CSPG4: variants seen among roughly 807,000 people sequenced by gnomAD.
The protein encoded by CSPG4 is chondroitin sulfate proteoglycan 4.
Under a neutral mutation model 139.3 loss-of-function variants are expected in CSPG4, and 74 were observed. That is an observed-to-expected ratio of 0.53 (90% CI 0.44 to 0.64). CSPG4 has a LOEUF of 0.64. Among genes scored for constraint, CSPG4 ranks in the 30% least tolerant of loss-of-function variants. The pLI is 0.00. For synonymous variants in CSPG4, 1,234 were observed against 1,394.2 expected, an observed-to-expected ratio of 0.89 and a Z score of 2.56; for missense variants, 2,565 against 3,148.3, an observed-to-expected ratio of 0.81 and a Z score of 4.43.
chr15:75,678,858 G>A lies in CSPG4; in HGVS notation c.4951-972C>T, dbSNP rs573183394. 7.7e-5 allele frequency: 35 copies of A among 452,926 alleles called. 1 individual carries two copies. The highest frequency in any genetic ancestry group is 4.1e-4 in the South Asian group (26 of 64,104). 28.1% of individuals were successfully genotyped at this position (452,926 alleles called of 1,614,324 possible). Reference sequence around the variant, plus strand: ...CTCCGTGTTGTTGGATCCAGCGGTCGGCTCTCAGCCTCCTCTTAACTGCTC... The same window carrying A: ...CTCCGTGTTGTTGGATCCAGCGGTCAGCTCTCAGCCTCCTCTTAACTGCTC... On this transcript the variant is annotated intron_variant, in intron 8 of 9. Transcript: ENST00000308508.
In CSPG4 at chr15:75,687,938, C is replaced by T. The variant is rs1894087859; in HGVS notation, c.3127G>A (p.Ala1043Thr). ...GRRLLTTDDV[A>T]FSDADSGFAD... ...AAGCCCGAGTCAGCATCGCTGAAGG[C>T]CACGTCGTCTGTAGTCAGCAGCCGC... The change falls in exon 3 of 10, where the codon GCC (alanine) becomes ACC (threonine). Residue 1043 changes from alanine to threonine, a missense_variant. Physicochemically the swap from Ala to Thr is moderately conservative, Grantham distance 58 (BLOSUM62 0). Coordinates refer to ENST00000308508, the MANE Select transcript of CSPG4 (RefSeq NM_001897.5). The surrounding 1 kb of genome is among the most constrained non-coding windows in gnomAD (Gnocchi z 5.4). 1 of 1,612,950 alleles carries T rather than the reference C, an allele frequency of 6.2e-7. No homozygotes were observed.
Position 75,692,230 on chromosome 15 carries a change from C to T in CSPG4, c.252+840G>A, listed in dbSNP as rs191643501. On this transcript the variant is annotated intron_variant, in intron 2 of 9. Coordinates refer to ENST00000308508, the MANE Select transcript of CSPG4 (RefSeq NM_001897.5). ...AACTCCTGACCTCAGGTGATCCACC[C>T]GCCTCAGCCTCCCAAAGTGCTGGGA... Among the ~76,000 whole-genome samples the T allele has an allele frequency of 2.6e-3, 396 of 152,198 alleles. 3 individuals are homozygous for T. Among genetic ancestry groups the T allele is most frequent in the Non-Finnish European group, 1.4e-3 (95 of 67,990 alleles).
At chr15:75,699,698 C>G (rs1279928571) in intron 1 of CSPG4, among the ~76,000 whole-genome samples, 6 of 152,020 alleles carry the variant, frequency 3.9e-5, no homozygotes, top group Admixed American at 1.3e-4. Context: ...AGAGTCCACC[C>G]AGGCGGGAGG....
chr15:75,700,471 G>A (rs1390878818), intron 1 of CSPG4, among the ~76,000 whole-genome samples: 1 of 152,176 alleles, frequency 6.6e-6, no homozygotes, highest in African/African-American at 2.4e-5. Context: ...GGGGCTGGCC[G>A]AATCGGGAGG....
chr15:75,695,668 G>A (rs1328394751), intron 1 of CSPG4, among the ~76,000 whole-genome samples: 1 of 152,160 alleles, frequency 6.6e-6, no homozygotes, highest in Non-Finnish European at 1.5e-5. Context: ...AGGTGGTGGG[G>A]GGGCAGTTGA....
Position 75,687,981 on chromosome 15 carries a change from A to G in CSPG4, c.3084T>C (p.His1028=). 1.9e-6 allele frequency: 3 copies of G among 1,612,592 alleles called. No individual in the cohort carries two copies. Among genetic ancestry groups the G allele is most frequent in the Non-Finnish European group, 1.7e-6 (2 of 1,179,842 alleles). Residue 1028 remains histidine (H), a synonymous_variant, in exon 3 of 10, where the codon CAT becomes CAC. Transcript: ENST00000308508. The surrounding 1 kb of genome is among the most constrained non-coding windows in gnomAD (Gnocchi z 5.4). ...GCAGCCGCCGCCCACCCCGGGCCAC[A>G]TGGAAGATCCGGCTGATGGTCTGCA... ...APVQTISRIF[H]VARGGRRLLT...
At chr15:75,707,187 G>A (rs1231733751) in intron 1 of CSPG4, among the ~76,000 whole-genome samples, 1 of 152,066 alleles carries the variant, frequency 6.6e-6, no homozygotes, top group East Asian at 1.9e-4. Context: ...GAACTCCTGA[G>A]CTCAGGTGAC....
chr15:75,712,846 C>G lies in CSPG4; in HGVS notation c.-91G>C. The G allele has an allele frequency of 8.8e-7, 1 of 1,135,644 alleles. No homozygotes were observed. The highest frequency in any genetic ancestry group is 1.2e-6 in the Non-Finnish European group (1 of 836,248). The allele number at this position is 1,135,644 out of a possible 1,614,324, so 70.3% of individuals were successfully genotyped here. ...GAGCGAGCGCGGCTCTGCTCCTGGG[C>G]GCGGGCCGGCTCCGGGTGTCCGCGC... On this transcript the variant is annotated 5_prime_UTR_variant, in exon 1 of 10. Coordinates refer to ENST00000308508, the MANE Select transcript of CSPG4 (RefSeq NM_001897.5).
chr15:75,685,530 G>T lies in CSPG4; in HGVS notation c.3961C>A (p.Leu1321Met), dbSNP rs1241662290. The T allele has an allele frequency of 6.2e-7, 1 of 1,607,282 alleles. No homozygotes were observed. The highest frequency in any genetic ancestry group is 8.5e-7 in the Non-Finnish European group (1 of 1,177,970). Residue 1321 changes from leucine to methionine, a missense_variant, in exon 4 of 10, where the codon CTG (leucine) becomes ATG (methionine). Leu to Met is a conservative substitution (Grantham distance 15, BLOSUM62 2). Coordinates refer to ENST00000308508, the MANE Select transcript of CSPG4 (RefSeq NM_001897.5). ...CTCCAGGCCTCAGGGCGGGAGTGCA[G>T]GTACAGGACCCTGCCTGTGTCCACT... ...EAVDTGRVLYLHSRPEAWSDA... is the reference protein window; with the variant it reads ...EAVDTGRVLYMHSRPEAWSDA...
rs772171039 is a variant in CSPG4, at chr15:75,688,450, G to A, written c.2615C>T (p.Thr872Ile). Residue 872 changes from threonine (T) to isoleucine (I), a missense_variant, in exon 3 of 10, where the codon ACC (threonine) becomes ATC (isoleucine). Physicochemically the swap from Thr to Ile is moderately conservative, Grantham distance 89 (BLOSUM62 -1). Coordinates refer to ENST00000308508, the MANE Select transcript of CSPG4 (RefSeq NM_001897.5). ...TARASEAVEDTFRFRVTAPPY... is the reference protein window; with the variant it reads ...TARASEAVEDIFRFRVTAPPY... ...TGGAGCTGTGACACGGAAACGGAAGGTGTCCTCGACTGCCTCTGAGGCACG... is the reference window on the plus strand; with the variant it reads ...TGGAGCTGTGACACGGAAACGGAAGATGTCCTCGACTGCCTCTGAGGCACG... 4 of 1,613,124 alleles carry A rather than the reference G, an allele frequency of 2.5e-6. No homozygotes were observed. The highest frequency in any genetic ancestry group is 3.3e-5 in the Admixed American group (2 of 60,006).
At chr15:75,711,941 TGAG>T (rs1340869097) in intron 1 of CSPG4, among the ~76,000 whole-genome samples, 1 of 151,418 alleles carries the variant, frequency 6.6e-6, no homozygotes, top group East Asian at 1.9e-4. Context: ...AGTGCTGGGA[TGAG>T]GAGGTGTGGC....
rs1006723457 is a variant in CSPG4, at chr15:75,698,899, G to A, written c.89-5666C>T. On this transcript the variant is annotated intron_variant, in intron 1 of 9. Transcript: ENST00000308508. The surrounding 1 kb of genome is among the most constrained non-coding windows in gnomAD (Gnocchi z 4.3). ...CAGACTAAGGGGAGCGACCTGCCCA[G>A]TGATGACACTGGGGTCACCAGGGCC... Among the ~76,000 whole-genome samples, 4 of 152,178 alleles carry A rather than the reference G, an allele frequency of 2.6e-5. No individual in the cohort carries two copies. Among genetic ancestry groups the A allele is most frequent in the African/African-American group, 9.7e-5 (4 of 41,444 alleles).
At chr15:75,703,582 C>A (rs191363953) in intron 1 of CSPG4, among the ~76,000 whole-genome samples, 1 of 152,160 alleles carries the variant, frequency 6.6e-6, no homozygotes, top group Non-Finnish European at 1.5e-5. Context: ...CAACGCAATG[C>A]GGTGGGGCAG....
chr15:75,677,848 G>C lies in CSPG4; in HGVS notation c.4989C>G (p.Pro1663=). The part of the protein sequence containing the change: ...AGNILYEHEM[P]PEPFWEAHDT... ...CATGGGCCTCCCAAAAGGGCTCGGG[G>C]GGCATCTCATGCTCATACAGAATAT... The change falls in exon 9 of 10, where the codon CCC becomes CCG. Residue 1663 remains proline (P), a synonymous_variant. Transcript: ENST00000308508. 6.2e-7 allele frequency: 1 copy of C among 1,612,488 alleles called. No individual in the cohort carries two copies. Among genetic ancestry groups the C allele is most frequent in the Non-Finnish European group, 8.5e-7 (1 of 1,179,292 alleles).
At chr15:75,704,522 T>C (rs1894344587) in intron 1 of CSPG4, among the ~76,000 whole-genome samples, 2 of 152,096 alleles carry the variant, frequency 1.3e-5, no homozygotes, top group Non-Finnish European at 2.9e-5. Context: ...TTAAAACATG[T>C]GGGTGGGGGG....
chr15:75,706,713 A>C (rs1894378253), intron 1 of CSPG4, among the ~76,000 whole-genome samples: 1 of 152,122 alleles, frequency 6.6e-6, no homozygotes, highest in Non-Finnish European at 1.5e-5. Flanking sequence ...GCTTGAGTAG[A>C]AGTGGAAAGG....
In CSPG4 at chr15:75,698,989, C is replaced by A. The variant is rs1596012223; in HGVS notation, c.89-5756G>T. On this transcript the variant is annotated intron_variant, in intron 1 of 9. Coordinates refer to ENST00000308508, the MANE Select transcript of CSPG4 (RefSeq NM_001897.5). This position sits in a 1 kb window ranked among gnomAD's most constrained non-coding sequence, Gnocchi z 4.3. ...TGGGAGACGCTCACACACCTGCAGA[C>A]CCCTCAGGGCTCACTGCTCTTTAGC... is the stretch of plus-strand genomic sequence containing the variant. Among the ~76,000 whole-genome samples the A allele has an allele frequency of 6.6e-6, 1 of 152,270 alleles. No homozygotes were observed. Among genetic ancestry groups the A allele is most frequent in the East Asian group, 1.9e-4 (1 of 5,184 alleles).
chr15:75,690,897 T>C, intron 2 of CSPG4, 85 bp from the exon 3 acceptor site: 1 of 1,429,562 alleles, frequency 7.0e-7, no homozygotes, highest in South Asian at 1.3e-5. Context: ...CGGGCGTGAT[T>C]GCAGTGGTGG....
chr15:75,675,794 AG>A lies in CSPG4; in HGVS notation c.6724del (p.Leu2242CysfsTer19), dbSNP rs1359212730. The A allele has an allele frequency of 1.2e-6, 2 of 1,613,552 alleles. No homozygotes were observed. Among genetic ancestry groups the A allele is most frequent in the South Asian group, 1.1e-5 (1 of 91,082 alleles). ...VLLLLALILP[L>X]LFYLRKRNKT... ...GTTGCGTTTTCGGAGGTAGAAGAGC[AG>A]GGGCAGGATGAGCGCCAGGAGCAGA... On this transcript the variant is annotated frameshift_variant, in exon 10 of 10. Coordinates refer to ENST00000308508, the MANE Select transcript of CSPG4 (RefSeq NM_001897.5). LOFTEE classifies it high-confidence loss of function.
Sources: allele counts gnomAD v4.1 joint callset (sites outside exome capture counted in the v4.1 genomes callset), GRCh38; gene constraint gnomAD v4.1.1; non-coding constraint Gnocchi (gnomAD v3.1); transcripts MANE v1.5; gene names NCBI Gene and HGNC (gene_info 2026-07-23, HGNC 2026-07-21).